The following CACNA2D4 variants were observed in gnomAD, a reference collection of about 807,000 sequenced individuals.
The protein encoded by CACNA2D4 is voltage-dependent calcium channel subunit alpha-2/delta-4.
CACNA2D4 carries 157 observed loss-of-function variants against 163.8 expected under a neutral mutation model. That is an observed-to-expected ratio of 0.96 (90% CI 0.84 to 1.09). The LOEUF (loss-of-function observed/expected upper bound fraction) is 1.09, where lower values mean the gene tolerates loss of function less well. CACNA2D4 is among the 50% of genes least tolerant of loss of function. The pLI is 0.00. For missense variants in CACNA2D4, 1,410 were observed against 1,479.9 expected (o/e 0.95, Z 0.78); for synonymous variants, 598 against 586.9 (o/e 1.02, Z -0.27).
intron 20 of CACNA2D4, among the ~76,000 whole-genome samples, chr12:1,858,208 C>CT (rs1487849889): frequency 6.6e-6 from 1 of 152,222 alleles, no homozygotes; most frequent in Admixed American, 6.5e-5. Context: ...CTTCCCTCCT[C>CT]TTTCTGGCCT....
chr12:1,837,344 C>T (rs1251765603), intron 26 of CACNA2D4, among the ~76,000 whole-genome samples: 3 of 152,086 alleles, frequency 2.0e-5, no homozygotes, highest in Non-Finnish European at 2.9e-5. Flanking sequence ...ACTCAGGCGA[C>T]GGCAAACCAT....
chr12:1,797,265 A>C (rs1281726771), intron 35 of CACNA2D4, among the ~76,000 whole-genome samples, 153 bp downstream of exon 35: 1 of 152,204 alleles, frequency 6.6e-6, no homozygotes. Flanking sequence ...CGGCGGGGGA[A>C]GACCCCGGGA....
chr12:1,856,840 C>T (rs1865410534), intron 20 of CACNA2D4, among the ~76,000 whole-genome samples: 1 of 152,174 alleles, frequency 6.6e-6, no homozygotes, highest in Non-Finnish European at 1.5e-5. Flanking sequence ...TGAACAGGTG[C>T]TCCACTGAGG....
chr12:1,826,135 C>T (rs1287632531), intron 26 of CACNA2D4, among the ~76,000 whole-genome samples: 1 of 152,118 alleles, frequency 6.6e-6, no homozygotes, highest in Non-Finnish European at 1.5e-5. Flanking sequence ...AGACCTGCTG[C>T]TGACACCCCT....
Position 1,917,657 on chromosome 12 carries a change from A to T in CACNA2D4, c.227+590T>A, listed in dbSNP as rs1305933143. 6.6e-6 allele frequency among the ~76,000 whole-genome samples: 1 copy of T among 152,120 alleles called. No homozygotes were observed. Among genetic ancestry groups the T allele is most frequent in the Non-Finnish European group, 1.5e-5 (1 of 68,004 alleles). ...TGACTGATACCGGGTTCTTTCCTGG[A>T]GCCGGTCTTAATGGCCGGCTAGAGA... On this transcript the variant is annotated intron_variant, in intron 1 of 37. Coordinates refer to ENST00000382722, the MANE Select transcript of CACNA2D4 (RefSeq NM_172364.5). This position sits in a 1 kb window ranked among gnomAD's most constrained non-coding sequence, Gnocchi z 4.3.
intron 29 of CACNA2D4, among the ~76,000 whole-genome samples, chr12:1,805,045 C>T (rs906555636): frequency 6.6e-6 from 1 of 152,200 alleles, no homozygotes; most frequent in African/African-American, 2.4e-5. Context: ...CCAGACCGCC[C>T]GTGGAGTGGC....
At chr12:1,897,142 A>G (rs2429154) in intron 6 of CACNA2D4, among the ~76,000 whole-genome samples, 139,430 of 152,194 alleles carry the variant, frequency 0.92, 64,054 homozygotes, top group East Asian at 1. Flanking sequence ...CAAGCACTAC[A>G]TGTTCTCGTT....
intron 29 of CACNA2D4, among the ~76,000 whole-genome samples, chr12:1,803,960 C>T (rs947741211): frequency 2.0e-5 from 3 of 152,166 alleles, no homozygotes; most frequent in Non-Finnish European, 4.4e-5. Flanking sequence ...AGCGGGACAG[C>T]AGGGAGGGTC....
At chr12:1,801,474 G>A (rs1863326675) in intron 30 of CACNA2D4, 100 bp downstream of exon 30, 13 of 1,010,800 alleles carry the variant, frequency 1.3e-5, no homozygotes, top group South Asian at 1.1e-4. Context: ...ACCCACTGTG[G>A]GTTTTGGAGG....
intron 18 of CACNA2D4, among the ~76,000 whole-genome samples, chr12:1,873,645 AATC>A (rs1865829195): frequency 6.6e-6 from 1 of 152,136 alleles, no homozygotes; most frequent in African/African-American, 2.4e-5. Context: ...TGTGATCAGG[AATC>A]TGGTTGGGAT....
At chr12:1,856,445 C>A (rs1169441651) in intron 20 of CACNA2D4, among the ~76,000 whole-genome samples, 2 of 152,248 alleles carry the variant, frequency 1.3e-5, no homozygotes, top group African/African-American at 4.8e-5. Flanking sequence ...AAATCCTACC[C>A]CTTCTTCAAG....
chr12:1,907,743 G>A (rs1289937818), intron 5 of CACNA2D4, 132 bp downstream of exon 5: 1 of 1,254,884 alleles, frequency 8.0e-7, no homozygotes, highest in Non-Finnish European at 1.1e-6. Flanking sequence ...TGCCTGGTGG[G>A]CGTGTCTGGT....
At chr12:1,845,279 G>A (rs79364293) in intron 24 of CACNA2D4, among the ~76,000 whole-genome samples, 23 of 151,694 alleles carry the variant, frequency 1.5e-4, no homozygotes, top group African/African-American at 5.6e-4. Flanking sequence ...GGGAAGGTCT[G>A]TCTGCCTCGA....
At chr12:1,851,679 GT>G (rs71057803) in intron 23 of CACNA2D4, among the ~76,000 whole-genome samples, 16,683 of 62,758 alleles carry the variant, frequency 0.27, 1,410 homozygotes, top group East Asian at 0.52. Flanking sequence ...GTGTGTGTGC[GT>G]TTTTTTTTTT....
At position 1,847,748 on chromosome 12, in the gene CACNA2D4, G is replaced by A. The variant is rs539197995; in HGVS notation, c.2247-1059C>T. 1.1e-4 allele frequency among the ~76,000 whole-genome samples: 17 copies of A among 152,270 alleles called. 1 individual carries two copies. Among genetic ancestry groups the A allele is most frequent in the Admixed American group, 8.5e-4 (13 of 15,298 alleles). ...ATTTGGCTTCAACAATCACCAACCC[G>A]GGGCTGGTCTCAATTCAGCCACTGC... On this transcript the variant is annotated intron_variant, in intron 23 of 37. Transcript: ENST00000382722.
intron 26 of CACNA2D4, among the ~76,000 whole-genome samples, chr12:1,819,209 C>T (rs1016500798): frequency 5.9e-5 from 9 of 152,068 alleles, no homozygotes; most frequent in Admixed American, 2.6e-4. Flanking sequence ...GGGAAGAACA[C>T]GCTTTCATGG....
At chr12:1,879,944 C>G in intron 13 of CACNA2D4, 63 bp from the exon 14 acceptor site, 2 of 1,143,850 alleles carry the variant, frequency 1.7e-6, no homozygotes, top group Non-Finnish European at 2.6e-6. Context: ...TTGCCGCACT[C>G]GGAGCACCCA....
chr12:1,859,274 G>T (rs75991483), intron 19 of CACNA2D4, among the ~76,000 whole-genome samples: 7,544 of 152,046 alleles, frequency 0.05, 272 homozygotes, highest in Middle Eastern at 0.095. Flanking sequence ...TGGGAGGATC[G>T]CTTGAGCCCG....
intron 37 of CACNA2D4, chr12:1,794,954 A>G: frequency 2.2e-6 from 1 of 444,458 alleles, no homozygotes; most frequent in Admixed American, 3.8e-5. Flanking sequence ...TCATCTAATT[A>G]GCATACAAAG....
Sources: allele counts gnomAD v4.1 joint callset (sites outside exome capture counted in the v4.1 genomes callset), GRCh38; gene constraint gnomAD v4.1.1; non-coding constraint Gnocchi (gnomAD v3.1); transcripts MANE v1.5; gene names NCBI Gene and HGNC (gene_info 2026-07-23, HGNC 2026-07-21).